The following GALNT13 variants were observed in gnomAD, a reference collection of about 807,000 sequenced individuals.
GALNT13 encodes the protein polypeptide N-acetylgalactosaminyltransferase 13.
GALNT13 carries 28 observed loss-of-function variants against 64.2 expected under a neutral mutation model. The ratio of observed to expected loss-of-function variants is 0.44; its 90% CI spans 0.32 to 0.60. The LOEUF (loss-of-function observed/expected upper bound fraction) is 0.60. Ranked by LOEUF, GALNT13 falls within the 20% of genes least tolerant of loss-of-function variation. The pLI is 0.05. For synonymous variants in GALNT13, 214 were observed against 224.6 expected, an observed-to-expected ratio of 0.95 and a Z score of 0.42; for missense variants, 577 against 669.8, an observed-to-expected ratio of 0.86 and a Z score of 1.53.
rs574826204 is a variant in GALNT13 at position 154,215,664 on chromosome 2, T to C, written c.312-26366T>C. The stretch of plus-strand genomic sequence containing the variant: ...TGGTACATTCCTTTATGAGACCCCA[T>C]AGGATTTATTTCTCTTTCTTTCATT... On this transcript the variant is annotated intron_variant, in intron 4 of 12. Coordinates refer to ENST00000392825, the MANE Select transcript of GALNT13 (RefSeq NM_052917.4). 2.4e-4 allele frequency among the ~76,000 whole-genome samples: 36 copies of C among 152,254 alleles called. No individual in the cohort carries two copies. The South Asian group carries it at 7.2e-3, about 31-fold the overall frequency.
the GALNT13 span, chr2:153,478,632 A>T: frequency 6.1e-6 from 8 of 1,304,178 alleles, no homozygotes; most frequent in South Asian, 1.2e-4. Context: ...GCGCTGGAGG[A>T]ACAGGTGCCG....
At chr2:153,825,728 C>T in the GALNT13 span, among the ~76,000 whole-genome samples, 12 of 151,510 alleles carry the variant, frequency 7.9e-5, no homozygotes, top group African/African-American at 9.7e-5. Context: ...TATCCCCCAG[C>T]GAATACCCTT....
intron 4 of GALNT13, among the ~76,000 whole-genome samples, chr2:154,188,602 A>G (rs1165721243): frequency 1.3e-5 from 2 of 152,186 alleles, no homozygotes; most frequent in Non-Finnish European, 2.9e-5. Flanking sequence ...AAGAATATTA[A>G]TCTCCTAACA....
At chr2:153,803,702 A>G in the GALNT13 span, among the ~76,000 whole-genome samples, 3 of 150,768 alleles carry the variant, frequency 2.0e-5, no homozygotes, top group South Asian at 6.3e-4. Flanking sequence ...AAAAAAAAAA[A>G]AAAAAAGAAA....
the GALNT13 span, among the ~76,000 whole-genome samples, chr2:153,807,157 C>T: frequency 6.6e-6 from 1 of 152,106 alleles, no homozygotes; most frequent in Non-Finnish European, 1.5e-5. Context: ...AACCCCATCC[C>T]TCTTCTCTCA....
At chr2:153,546,707 CAAT>C in the GALNT13 span, among the ~76,000 whole-genome samples, 1 of 152,182 alleles carries the variant, frequency 6.6e-6, no homozygotes, top group African/African-American at 2.4e-5. Flanking sequence ...AATACCTTGT[CAAT>C]AAATCTGTGT....
chr2:154,279,070 A>C (rs891468795), intron 8 of GALNT13, among the ~76,000 whole-genome samples: 1 of 152,182 alleles, frequency 6.6e-6, no homozygotes, highest in Non-Finnish European at 1.5e-5. Context: ...GGTATTGGAC[A>C]AATGGTATAG....
the GALNT13 span, among the ~76,000 whole-genome samples, chr2:153,450,099 A>G: frequency 5.9e-5 from 9 of 152,190 alleles, no homozygotes; most frequent in East Asian, 1.9e-4. Flanking sequence ...TTCATCGTTC[A>G]GGGTTTAGAA....
At chr2:154,152,576 C>A (rs111496107) in intron 4 of GALNT13, among the ~76,000 whole-genome samples, 1 of 152,044 alleles carries the variant, frequency 6.6e-6, no homozygotes, top group African/African-American at 2.4e-5. Context: ...ACCAATCAAA[C>A]GTAGGTTTGG....
At chr2:154,115,282 A>G (rs1364150560) in intron 3 of GALNT13, among the ~76,000 whole-genome samples, 1 of 151,906 alleles carries the variant, frequency 6.6e-6, no homozygotes, top group Non-Finnish European at 1.5e-5. Context: ...AGGATTTTTT[A>G]TTTTTATCTA....
chr2:153,142,608 G>A, the GALNT13 span, among the ~76,000 whole-genome samples: 13 of 150,786 alleles, frequency 8.6e-5, no homozygotes, highest in Non-Finnish European at 1.3e-4. Context: ...AAGTGAGACC[G>A]AGAGCAAGAG....
At chr2:153,757,048 G>A in the GALNT13 span, among the ~76,000 whole-genome samples, 1 of 152,120 alleles carries the variant, frequency 6.6e-6, no homozygotes, top group African/African-American at 2.4e-5. Context: ...GGAGTACAAA[G>A]TGATGCTATA....
chr2:153,926,476 T>G (rs1165395809), intron 2 of GALNT13: 1 of 152,168 alleles, frequency 6.6e-6, no homozygotes, highest in Non-Finnish European at 1.5e-5. Context: ...AGTCCAGGTT[T>G]GAAAAGTTAG....
the GALNT13 span, among the ~76,000 whole-genome samples, chr2:153,127,604 A>G: frequency 6.6e-6 from 1 of 152,134 alleles, no homozygotes; most frequent in African/African-American, 2.4e-5. Flanking sequence ...TTTTTGATTC[A>G]TCTTTTTACT....
At chr2:154,011,338 A>C (rs1348699143) in intron 3 of GALNT13, among the ~76,000 whole-genome samples, 1 of 152,146 alleles carries the variant, frequency 6.6e-6, no homozygotes, top group East Asian at 1.9e-4. Context: ...TTGTTTACCC[A>C]AATGTCATTT....
the GALNT13 span, among the ~76,000 whole-genome samples, chr2:153,513,055 C>T: frequency 6.6e-6 from 1 of 152,212 alleles, no homozygotes; most frequent in East Asian, 1.9e-4. Context: ...GCTTGAGTCC[C>T]CAGCATAGTA....
the GALNT13 span, among the ~76,000 whole-genome samples, chr2:153,455,488 C>T: frequency 6.6e-6 from 1 of 152,172 alleles, no homozygotes; most frequent in Non-Finnish European, 1.5e-5. Context: ...TGGGTGCCGG[C>T]AGGATCGAAC....
chr2:154,247,270 G>A (rs1459211688), intron 7 of GALNT13, among the ~76,000 whole-genome samples: 1 of 151,946 alleles, frequency 6.6e-6, no homozygotes, highest in Non-Finnish European at 1.5e-5. Context: ...AATTCACCAA[G>A]TCTTATTGAT....
intron 4 of GALNT13, chr2:154,236,071 G>A: frequency 2.4e-6 from 3 of 1,234,482 alleles, no homozygotes; most frequent in Middle Eastern, 2.3e-4. Flanking sequence ...AACAGCATTA[G>A]TGTACATCCA....
Sources: allele counts gnomAD v4.1 joint callset (sites outside exome capture counted in the v4.1 genomes callset), GRCh38; gene constraint gnomAD v4.1.1; transcripts MANE v1.5; gene names NCBI Gene and HGNC (gene_info 2026-07-23, HGNC 2026-07-21).